The following CR1L variants were observed in gnomAD, a reference collection of about 807,000 sequenced individuals.
CR1L encodes complement component receptor 1-like protein.
CR1L carries 59 observed loss-of-function variants against 62.3 expected under a neutral mutation model. The ratio of observed to expected loss-of-function variants is 0.95; its 90% CI spans 0.77 to 1.18. The LOEUF is 1.18. Among genes scored for constraint, CR1L ranks in the 50% most tolerant of loss-of-function variants. CR1L has a pLI of 0.00. For synonymous variants in CR1L, 279 were observed against 248.7 expected, an observed-to-expected ratio of 1.12 and a Z score of -1.15; for missense variants, 700 against 702.8, an observed-to-expected ratio of 1.00 and a Z score of 0.04.
intron 10 of CR1L, among the ~76,000 whole-genome samples, chr1:207,715,661 A>T (rs1445382888): frequency 1.3e-5 from 2 of 151,258 alleles, no homozygotes; most frequent in African/African-American, 4.8e-5. Flanking sequence ...AGCACATTTT[A>T]GTCAGTCATT....
intron 10 of CR1L, among the ~76,000 whole-genome samples, chr1:207,712,878 C>T (rs1321600385): frequency 6.6e-6 from 1 of 152,126 alleles, no homozygotes; most frequent in African/African-American, 2.4e-5. Flanking sequence ...TGAGTGTGAC[C>T]CAGTGTTGAG....
intron 10 of CR1L, among the ~76,000 whole-genome samples, chr1:207,709,609 G>A (rs1187028340): frequency 6.6e-6 from 1 of 152,110 alleles, no homozygotes; most frequent in Non-Finnish European, 1.5e-5. Context: ...GCCCAAGGTA[G>A]GTGGATCACT....
At chr1:207,712,062 T>C (rs1664367840) in intron 10 of CR1L, among the ~76,000 whole-genome samples, 3 of 152,224 alleles carry the variant, frequency 2.0e-5, no homozygotes, top group Non-Finnish European at 2.9e-5. Flanking sequence ...AATGCCTTTC[T>C]AAAAGATCGC....
intron 11 of CR1L, among the ~76,000 whole-genome samples, chr1:207,718,894 G>A (rs1345258329): frequency 1.3e-5 from 2 of 150,146 alleles, no homozygotes; most frequent in Non-Finnish European, 3.0e-5. Context: ...TTAAGAAAAT[G>A]TGGCACATAT....
At chr1:207,716,960 T>C (rs1654014879) in intron 10 of CR1L, among the ~76,000 whole-genome samples, 1 of 152,222 alleles carries the variant, frequency 6.6e-6, no homozygotes, top group Non-Finnish European at 1.5e-5. Context: ...TGTAGTCTGA[T>C]GACACCACTG....
intron 4 of CR1L, among the ~76,000 whole-genome samples, chr1:207,684,676 T>G (rs1010835922): frequency 4.6e-5 from 7 of 152,062 alleles, no homozygotes; most frequent in African/African-American, 1.7e-4. Flanking sequence ...CCATAAAAAA[T>G]GATAGCATAA....
chr1:207,719,336 G>A (rs986839760), intron 11 of CR1L, among the ~76,000 whole-genome samples: 1 of 151,078 alleles, frequency 6.6e-6, no homozygotes, highest in Non-Finnish European at 1.5e-5. Context: ...GGGAAACACA[G>A]CAAAGGGTTA....
chr1:207,699,596 T>C (rs1396671600), intron 8 of CR1L, among the ~76,000 whole-genome samples: 1 of 152,242 alleles, frequency 6.6e-6, no homozygotes, highest in East Asian at 1.9e-4. Context: ...TCTTCTCTTC[T>C]TTCCTTCCTT....
rs116709384 is a variant in CR1L at position 207,708,296 on chromosome 1, C to T, written c.1414+33C>T. ...GAAATCTCTTTCCCCATTCACCCCA[C>T]CATTTAACCCTAGAGTTGTCCTCCT... On this transcript the variant is annotated intron_variant, in intron 10 of 11. Coordinates refer to ENST00000508064, the MANE Select transcript of CR1L (RefSeq NM_175710.2). The T allele has an allele frequency of 1.3e-3, 2,145 of 1,605,128 alleles. 17 individuals are homozygous for T. The African/African-American group carries it at 0.021, about 16-fold the overall frequency.
chr1:207,691,483 A>T (rs1002183524), intron 4 of CR1L, among the ~76,000 whole-genome samples: 1 of 151,926 alleles, frequency 6.6e-6, no homozygotes, highest in African/African-American at 2.4e-5. Context: ...TAATAATAAA[A>T]AGTTAAAATT....
intron 5 of CR1L, among the ~76,000 whole-genome samples, chr1:207,695,044 G>C (rs1664054791): frequency 6.6e-6 from 1 of 152,154 alleles, no homozygotes; most frequent in Admixed American, 6.5e-5. Flanking sequence ...GATTCTTCCA[G>C]CCAGGCACCA....
intron 4 of CR1L, among the ~76,000 whole-genome samples, chr1:207,692,934 T>C (rs1305434085): frequency 6.6e-6 from 1 of 152,242 alleles, no homozygotes; most frequent in East Asian, 1.9e-4. Context: ...CAATCCTATA[T>C]GAAACTATTT....
chr1:207,686,162 T>TC (rs1663906164), intron 4 of CR1L, among the ~76,000 whole-genome samples: 1 of 46,216 alleles, frequency 2.2e-5, no homozygotes, highest in Non-Finnish European at 4.0e-5. Flanking sequence ...CTTCCTTCCT[T>TC]CCTTCCTTCC....
chr1:207,650,686 T>TA (rs1663208606), intron 1 of CR1L, among the ~76,000 whole-genome samples: 2 of 152,348 alleles, frequency 1.3e-5, no homozygotes, highest in African/African-American at 4.8e-5. Context: ...TTTCTGGTAA[T>TA]ACTAATCTGG....
At chr1:207,675,193 C>T (rs1663671817) in intron 1 of CR1L, among the ~76,000 whole-genome samples, 2 of 151,956 alleles carry the variant, frequency 1.3e-5, no homozygotes, top group Admixed American at 6.6e-5. Flanking sequence ...CTTCTAAAAG[C>T]ACACAAAATT....
At chr1:207,715,170 C>T (rs1194454478) in intron 10 of CR1L, 1 of 530,824 alleles carries the variant, frequency 1.9e-6, no homozygotes, top group African/African-American at 1.9e-5. Flanking sequence ...TGAACTAAGA[C>T]TTTTAGCTAG....
At chr1:207,679,968 A>C (rs185993016) in intron 3 of CR1L, among the ~76,000 whole-genome samples, 11 of 152,360 alleles carry the variant, frequency 7.2e-5, no homozygotes, top group Admixed American at 7.2e-4. Flanking sequence ...GGGGATGAAT[A>C]GGCAGAGCAC....
chr1:207,721,874 G>A (rs1212194896), intron 11 of CR1L, among the ~76,000 whole-genome samples: 1 of 116,972 alleles, frequency 8.5e-6, no homozygotes, highest in Non-Finnish European at 1.8e-5. Context: ...ACTTTTTAAT[G>A]ATTGCCATTC....
intron 8 of CR1L, 60 bp downstream of exon 8, chr1:207,699,334 C>G: frequency 6.3e-7 from 1 of 1,586,976 alleles, no homozygotes; most frequent in South Asian, 1.1e-5. Flanking sequence ...CAGTATTTGA[C>G]CCATGACCTC....
Sources: allele counts gnomAD v4.1 joint callset (sites outside exome capture counted in the v4.1 genomes callset), GRCh38; gene constraint gnomAD v4.1.1; transcripts MANE v1.5; gene names NCBI Gene and HGNC (gene_info 2026-07-23, HGNC 2026-07-21).